The following EBF1 variants were observed in gnomAD, a reference collection of about 807,000 sequenced individuals.
EBF1 encodes the protein transcription factor COE1.
A neutral mutation model predicts 68.4 loss-of-function variants in EBF1; 10 were observed. The observed-to-expected ratio is 0.15, with a 90% CI of 0.09 to 0.25. The LOEUF (loss-of-function observed/expected upper bound fraction) is 0.25. EBF1 is among the 10% of genes least tolerant of loss of function. The probability of loss-of-function intolerance (pLI) is 1.00; values close to 1 mark genes in which losing one functional copy is unlikely to be tolerated. For missense variants in EBF1, 509 were observed against 794.4 expected (o/e 0.64, Z 4.32); for synonymous variants, 298 against 299.8 (o/e 0.99, Z 0.06).
At chr5:158,826,163 CACA>C (rs919108109) in intron 7 of EBF1, among the ~76,000 whole-genome samples, 1 of 152,198 alleles carries the variant, frequency 6.6e-6, no homozygotes, top group East Asian at 1.9e-4. Context: ...TACCTTTGGA[CACA>C]ACAACACTTT....
At chr5:158,856,981 AAAAACAAAAC>A (rs140503962) in intron 6 of EBF1, among the ~76,000 whole-genome samples, 24 of 151,916 alleles carry the variant, frequency 1.6e-4, no homozygotes, top group African/African-American at 5.8e-4. Context: ...AAAAGCGAGA[AAAAACAAAAC>A]AAAACAAAAC....
chr5:159,096,464 G>C (rs751592076), intron 2 of EBF1, 58 bp from the exon 3 acceptor site: 1 of 1,576,904 alleles, frequency 6.3e-7, no homozygotes, highest in Admixed American at 1.8e-5. Flanking sequence ...CTGCGTGAGC[G>C]AGTGGACCAA....
At chr5:159,077,823 G>T (rs1052216558) in intron 5 of EBF1, among the ~76,000 whole-genome samples, 2 of 129,678 alleles carry the variant, frequency 1.5e-5, no homozygotes, top group Non-Finnish European at 3.1e-5. Context: ...CAGCTGCCTC[G>T]ACCTCCTGGG....
At chr5:158,817,585 T>C (rs1784018643) in intron 8 of EBF1, among the ~76,000 whole-genome samples, 2 of 152,110 alleles carry the variant, frequency 1.3e-5, no homozygotes, top group Non-Finnish European at 2.9e-5. Context: ...CTCCTTTTCC[T>C]CAAAAATTAC....
chr5:158,879,987 A>C (rs1798572136), intron 6 of EBF1, among the ~76,000 whole-genome samples: 1 of 152,226 alleles, frequency 6.6e-6, no homozygotes, highest in African/African-American at 2.4e-5. Flanking sequence ...ACACACACAG[A>C]GATGGAAGTG....
chr5:158,744,694 A>G (rs1015163101), intron 10 of EBF1, among the ~76,000 whole-genome samples: 2 of 152,222 alleles, frequency 1.3e-5, no homozygotes, highest in Non-Finnish European at 2.9e-5. Context: ...TTATCATAAG[A>G]GCCATACAAG....
At chr5:158,982,848 T>C (rs1281063503) in intron 6 of EBF1, among the ~76,000 whole-genome samples, 5 of 152,154 alleles carry the variant, frequency 3.3e-5, no homozygotes. Flanking sequence ...ATGAAACTCT[T>C]GATTTAACCA....
chr5:158,925,170 C>G (rs1041170970), intron 6 of EBF1, among the ~76,000 whole-genome samples: 7 of 152,316 alleles, frequency 4.6e-5, no homozygotes, highest in Admixed American at 3.9e-4. Flanking sequence ...GGGAATCTCT[C>G]ACTGCCCAAT....
intron 10 of EBF1, among the ~76,000 whole-genome samples, chr5:158,759,732 C>CA (rs1245256287): frequency 6.6e-6 from 1 of 152,116 alleles, no homozygotes; most frequent in Non-Finnish European, 1.5e-5. Context: ...TCTTTCTTAA[C>CA]ACTTTTGCCA....
Position 158,922,032 on chromosome 5 carries a change from C to T in EBF1, c.555-81922G>A, listed in dbSNP as rs531033211. ...GAAAACTCCTGTTTCAAACACCTTG[C>T]TCAGAGCAGTGCTCTTAGTTGTGCT... On this transcript the variant is annotated intron_variant, in intron 6 of 15. Coordinates refer to ENST00000313708, the MANE Select transcript of EBF1 (RefSeq NM_024007.5). Among the ~76,000 whole-genome samples the T allele has an allele frequency of 8.3e-4, 127 of 152,328 alleles. 1 individual carries two copies. Among genetic ancestry groups the T allele is most frequent in the Non-Finnish European group, 1.1e-3 (72 of 68,034 alleles).
At chr5:158,835,755 G>A (rs1367040774) in intron 7 of EBF1, among the ~76,000 whole-genome samples, 1 of 152,082 alleles carries the variant, frequency 6.6e-6, no homozygotes, top group Admixed American at 6.5e-5. Context: ...TTACCATTTA[G>A]TTGATGTGTG....
intron 10 of EBF1, among the ~76,000 whole-genome samples, chr5:158,748,773 G>C (rs1000838468): frequency 1.3e-5 from 2 of 152,154 alleles, no homozygotes; most frequent in African/African-American, 4.8e-5. Context: ...CAGTGGCAAA[G>C]GAATCACAAA....
At chr5:158,879,553 T>C (rs1798439852) in intron 6 of EBF1, among the ~76,000 whole-genome samples, 1 of 152,184 alleles carries the variant, frequency 6.6e-6, no homozygotes. Flanking sequence ...TGAAAAGTTG[T>C]AGGCATTGAT....
At chr5:158,873,490 T>G (rs2128067494) in intron 6 of EBF1, among the ~76,000 whole-genome samples, 1 of 152,348 alleles carries the variant, frequency 6.6e-6, no homozygotes, top group East Asian at 1.9e-4. Flanking sequence ...ATTTTATGTA[T>G]ACTGACTCAT....
intron 5 of EBF1, among the ~76,000 whole-genome samples, chr5:159,081,832 C>A (rs1584488077): frequency 6.6e-6 from 1 of 152,174 alleles, no homozygotes; most frequent in South Asian, 2.1e-4. Context: ...TTTAGAAAAT[C>A]ATGTGTGGGG....
chr5:159,032,106 A>G (rs987880523), intron 6 of EBF1, among the ~76,000 whole-genome samples: 2 of 152,150 alleles, frequency 1.3e-5, no homozygotes, highest in African/African-American at 4.8e-5. Flanking sequence ...TGTCCAGTCA[A>G]TATCAACAGG....
intron 1 of EBF1, 47 bp from the exon 2 acceptor site, chr5:159,097,177 C>T (rs1782791890): frequency 1.3e-6 from 2 of 1,582,130 alleles, no homozygotes. Context: ...GACGCCGACC[C>T]GCGCCCCTTG....
intron 14 of EBF1, among the ~76,000 whole-genome samples, chr5:158,711,496 G>A (rs994575216): frequency 3.3e-5 from 5 of 152,266 alleles, no homozygotes; most frequent in Admixed American, 6.5e-5. Context: ...GATGGGGTGG[G>A]TGCTAGTTCC....
intron 6 of EBF1, among the ~76,000 whole-genome samples, chr5:158,989,137 A>C (rs1583705847): frequency 6.6e-6 from 1 of 151,690 alleles, no homozygotes; most frequent in Non-Finnish European, 1.5e-5. Context: ...CCTCCCACCC[A>C]CCTCCAACAC....
Sources: allele counts gnomAD v4.1 joint callset (sites outside exome capture counted in the v4.1 genomes callset), GRCh38; gene constraint gnomAD v4.1.1; transcripts MANE v1.5; gene names NCBI Gene and HGNC (gene_info 2026-07-23, HGNC 2026-07-21).